Variants in TSC1 observed in about 807,000 individuals in gnomAD.
TSC1 encodes TSC complex subunit 1.
A neutral mutation model predicts 124.3 loss-of-function variants in TSC1; 20 were observed. That is an observed-to-expected ratio of 0.16 (90% CI 0.11 to 0.23). The LOEUF (loss-of-function observed/expected upper bound fraction) is 0.23. Among genes scored for constraint, TSC1 ranks in the 10% least tolerant of loss-of-function variants. TSC1 has a pLI of 1.00. For synonymous variants in TSC1, 493 were observed against 539.1 expected (o/e 0.91, Z 1.19); for missense variants, 1,124 against 1,448.5 (o/e 0.78, Z 3.64).
At chr9:132,912,082 G>T (rs1433480669) in intron 9 of TSC1, among the ~76,000 whole-genome samples, 200 bp downstream of exon 9, 1 of 152,162 alleles carries the variant, frequency 6.6e-6, no homozygotes, top group Non-Finnish European at 1.5e-5. Flanking sequence ...CAATCAGGTA[G>T]CAGACCAAGG....
At chr9:132,913,870 A>G (rs1476191227) in intron 8 of TSC1, among the ~76,000 whole-genome samples, 3 of 125,320 alleles carry the variant, frequency 2.4e-5, no homozygotes, top group African/African-American at 9.1e-5. Context: ...CCAGCCTCCC[A>G]TGGGTTTTTT....
At chr9:132,943,225 T>C (rs1258558047) in intron 1 of TSC1, among the ~76,000 whole-genome samples, 1 of 142,292 alleles carries the variant, frequency 7.0e-6, no homozygotes, top group African/African-American at 2.7e-5. Flanking sequence ...TTGTATGCTT[T>C]CTATTTAAAA....
In TSC1 at chr9:132,925,637, G is replaced by A. The variant is rs2132232581; in HGVS notation, c.313C>T (p.His105Tyr). The stretch of plus-strand genomic sequence containing the variant: ...AAAAGAGGTGCTTGAGAGAGCTTAT[G>A]CTTCCAAGATGGCTGCAGTCTTATG... ...HVIRLQPSWK[H>Y]KLSQAPLLPS... Residue 105 changes from histidine to tyrosine, a missense_variant, in exon 5 of 23, where the codon CAT becomes TAT. Physicochemically the swap from His to Tyr is moderately conservative, Grantham distance 83. Around this residue, in one of 5 missense-constraint regions of TSC1, gnomAD observed 463 missense variants for 606.8 expected, o/e 0.76. Transcript: ENST00000298552. 2 of 1,614,238 alleles carry A rather than the reference G, an allele frequency of 1.2e-6. No homozygotes were observed. Among genetic ancestry groups the A allele is most frequent in the South Asian group, 1.1e-5 (1 of 91,084 alleles).
chr9:132,904,602 GAGTT>G (rs1431221595), intron 15 of TSC1, 148 bp from the exon 16 acceptor site: 9 of 804,666 alleles, frequency 1.1e-5, no homozygotes, highest in Non-Finnish European at 1.9e-5. Flanking sequence ...GGTCCACAGA[GAGTT>G]AGAGGAGAAG....
rs1218889799 is a variant in TSC1 at position 132,897,596 on chromosome 9, C to T, written c.2640G>A (p.Met880Ile). The T allele has an allele frequency of 2.7e-6, 3 of 1,131,904 alleles. No individual in the cohort carries two copies. Among genetic ancestry groups the T allele is most frequent in the Non-Finnish European group, 3.7e-6 (3 of 811,796 alleles). 70.1% of individuals were successfully genotyped at this position (1,131,904 alleles called of 1,614,324 possible). Residue 880 changes from methionine (M) to isoleucine (I), a missense_variant, in exon 21 of 23, where the codon ATG becomes ATA. By Grantham distance (10) the Met-to-Ile change is conservative (BLOSUM62 1). Around this residue, in one of 5 missense-constraint regions of TSC1, gnomAD observed 325 missense variants for 383.4 expected, o/e 0.85. Coordinates refer to ENST00000298552, the MANE Select transcript of TSC1 (RefSeq NM_000368.5). Reference protein sequence around the residue: ...HSDTTKEVEMMKAAYRKELEK... With the variant: ...HSDTTKEVEMIKAAYRKELEK... ...CTAGCTCTTTCCGATAGGCGGCTTT[C>T]ATCATTTCTACTTCCTGAAAAAAAA...
chr9:132,905,350 A>G (rs1845593805), intron 15 of TSC1, among the ~76,000 whole-genome samples: 1 of 152,058 alleles, frequency 6.6e-6, no homozygotes, highest in South Asian at 2.1e-4. Flanking sequence ...ATATAAAAAG[A>G]CTCATTTTGA....
At chr9:132,910,832 TTTTTG>T in intron 11 of TSC1, 140 bp from the exon 12 acceptor site, 1 of 1,424,050 alleles carries the variant, frequency 7.0e-7, no homozygotes, top group South Asian at 1.2e-5. Flanking sequence ...GTCTCTCTCT[TTTTTG>T]TTTTTAGGTT....
intron 8 of TSC1, among the ~76,000 whole-genome samples, chr9:132,913,346 T>TC (rs1846067675): frequency 6.6e-6 from 1 of 152,228 alleles, no homozygotes; most frequent in African/African-American, 2.4e-5. Flanking sequence ...AAAGAACATG[T>TC]CCATCACCCC....
At chr9:132,898,548 A>G (rs906786907) in intron 20 of TSC1, among the ~76,000 whole-genome samples, 1 of 152,254 alleles carries the variant, frequency 6.6e-6, no homozygotes, top group African/African-American at 2.4e-5. Flanking sequence ...ATTGAAACTC[A>G]GAACTGGCTC....
intron 9 of TSC1, 146 bp from the exon 10 acceptor site, chr9:132,911,714 G>C (rs1845979930): frequency 1.6e-6 from 1 of 608,308 alleles, no homozygotes; most frequent in Admixed American, 3.1e-5. Context: ...AAATCTGAGG[G>C]ACTTAACTGA....
chr9:132,911,925 CTG>C (rs1287341905), intron 9 of TSC1, among the ~76,000 whole-genome samples: 1 of 152,236 alleles, frequency 6.6e-6, no homozygotes, highest in African/African-American at 2.4e-5. Flanking sequence ...CTCATTCAAA[CTG>C]TGTCAGTGCT....
Position 132,897,214 on chromosome 9 carries a change from T to C in TSC1, c.2945A>G (p.Lys982Arg), listed in dbSNP as rs1057520508. The C allele has an allele frequency of 6.8e-6, 11 of 1,614,170 alleles. No homozygotes were observed. Among genetic ancestry groups the C allele is most frequent in the Non-Finnish European group, 9.3e-6 (11 of 1,180,028 alleles). The change falls in exon 22 of 23, where the codon AAA becomes AGA. Residue 982 changes from lysine to arginine, a missense_variant. By Grantham distance (26) the Lys-to-Arg change is conservative (BLOSUM62 2). Coordinates refer to ENST00000298552, the MANE Select transcript of TSC1 (RefSeq NM_000368.5). ...TTCTGCTGCTTCAGCTGCTTCTGCT[T>C]TTTCTTCTTCAAGTTTTTTCAGGAG... ...DGLLKKLEEE[K>R]AEAAEAAEER...
chr9:132,907,968 T>G (rs1845758322), intron 12 of TSC1, among the ~76,000 whole-genome samples: 1 of 152,066 alleles, frequency 6.6e-6, no homozygotes, highest in Non-Finnish European at 1.5e-5. Context: ...GTGCTTGTAG[T>G]CCCAACTACC....
chr9:132,896,059 C>G lies in TSC1; in HGVS notation c.*176G>C, dbSNP rs1482490589. The G allele has an allele frequency of 1.1e-6, 1 of 904,598 alleles. No individual in the cohort carries two copies. Among genetic ancestry groups the G allele is most frequent in the Non-Finnish European group, 1.8e-6 (1 of 569,128 alleles). The allele number at this position is 904,598 out of a possible 1,614,324, so 56.0% of individuals were successfully genotyped here. A position where few individuals can be genotyped will look rare whatever the true frequency, so the allele number is the denominator to read the frequency against. ...TGGAGGGGAAGGTCAAGAGGCATTT[C>G]AATGCCAGATCCAAAAACCGTTCTG... On this transcript the variant is annotated 3_prime_UTR_variant, in exon 23 of 23. Transcript: ENST00000298552. This position sits in a 1 kb window ranked among gnomAD's most constrained non-coding sequence, Gnocchi z 4.5.
At chr9:132,898,138 C>G (rs1196417498) in intron 20 of TSC1, among the ~76,000 whole-genome samples, 2 of 152,188 alleles carry the variant, frequency 1.3e-5, no homozygotes, top group African/African-American at 4.8e-5. Context: ...CTCCTTTTCT[C>G]CCCCTCCTGA....
At chr9:132,941,539 T>C (rs1414707813) in intron 1 of TSC1, 1 of 152,140 alleles carries the variant, frequency 6.6e-6, no homozygotes, top group African/African-American at 2.4e-5. Flanking sequence ...ATACTACATA[T>C]ACACATTTCA....
chr9:132,922,880 A>G (rs1846643502), intron 6 of TSC1, among the ~76,000 whole-genome samples: 1 of 152,214 alleles, frequency 6.6e-6, no homozygotes. Context: ...GGGAAAAAAA[A>G]AAACCACTGC....
rs2131999442 is a variant in TSC1, at chr9:132,912,358, G to T, written c.837C>A (p.His279Gln). Residue 279 changes from histidine to glutamine, a missense_variant, in exon 9 of 23, where the codon CAC becomes CAA. His to Gln is a conservative substitution (Grantham distance 24). This residue lies in a region of TSC1 where 463 missense variants were observed against 606.8 expected (regional missense o/e 0.76). Transcript: ENST00000298552. ...GATGAGGAAAGCGGGCTGAGATTTG[G>T]TGAGACACAGAATAGCCATCTTCAT... ...ASYEDGYSVS[H>Q]QISARFPHRS... The T allele has an allele frequency of 6.2e-7, 1 of 1,614,218 alleles. No homozygotes were observed. Among genetic ancestry groups the T allele is most frequent in the Non-Finnish European group, 8.5e-7 (1 of 1,180,048 alleles).
rs201165286 is a variant in TSC1, at chr9:132,896,520, C to T, written c.3210G>A (p.Ala1070=). ...CCACAGTGGTGGGGATGCTGGCAGACGCTTCTCCCATAGTCGTCTCCCACC... is the reference window on the plus strand; with the variant it reads ...CCACAGTGGTGGGGATGCTGGCAGATGCTTCTCCCATAGTCGTCTCCCACC... ...SSRWETTMGE[A]SASIPTTVGS... is the part of the protein sequence containing the mutation. The change falls in exon 23 of 23, where the codon GCG becomes GCA. Residue 1070 remains alanine (A), a synonymous_variant. Transcript: ENST00000298552. The surrounding 1 kb of genome is among the most constrained non-coding windows in gnomAD (Gnocchi z 4.5). 8.0e-5 allele frequency: 129 copies of T among 1,614,184 alleles called. 1 individual carries two copies. Among genetic ancestry groups the T allele is most frequent in the Non-Finnish European group, 9.7e-5 (114 of 1,180,036 alleles).
Sources: allele counts gnomAD v4.1 joint callset (sites outside exome capture counted in the v4.1 genomes callset), GRCh38; gene constraint gnomAD v4.1.1; regional missense constraint gnomAD v4.1.1; non-coding constraint Gnocchi (gnomAD v3.1); transcripts MANE v1.5; gene names NCBI Gene and HGNC (gene_info 2026-07-23, HGNC 2026-07-21).